SULT6B1: variants seen among roughly 807,000 people sequenced by gnomAD.
SULT6B1 encodes sulfotransferase family 6B member 1.
In SULT6B1, 44 loss-of-function variants were observed where a neutral mutation model predicts 37.2. The observed-to-expected ratio is 1.18, with a 90% CI of 0.93 to 1.52. The LOEUF (loss-of-function observed/expected upper bound fraction) is 1.52, where lower values mean the gene tolerates loss of function less well. Among genes scored for constraint, SULT6B1 ranks in the 40% most tolerant of loss-of-function variants. The pLI, the probability that SULT6B1 is intolerant of heterozygous loss-of-function variation, is 0.00. For synonymous variants in SULT6B1, 140 were observed against 126.0 expected (o/e 1.11, Z -0.74); for missense variants, 450 against 361.0 (o/e 1.25, Z -2.00).
chr2:37,183,134 G>A (rs1407124730), intron 3 of SULT6B1, among the ~76,000 whole-genome samples: 1 of 152,154 alleles, frequency 6.6e-6, no homozygotes, highest in African/African-American at 2.4e-5. Context: ...TTTTGTGTGT[G>A]CATGAAACAC....
At chr2:37,182,909 T>C in intron 3 of SULT6B1, among the ~76,000 whole-genome samples, 1 of 152,228 alleles carries the variant, frequency 6.6e-6, no homozygotes, top group Non-Finnish European at 1.5e-5. Flanking sequence ...CAGCGAGGCA[T>C]GGTGTCCCAT....
chr2:37,194,214 C>T (rs1347275247), intron 1 of SULT6B1, among the ~76,000 whole-genome samples: 1 of 151,342 alleles, frequency 6.6e-6, no homozygotes, highest in Non-Finnish European at 1.5e-5. Context: ...TTTTCTGTCA[C>T]CTAGGGTGGA....
chr2:37,195,809 A>T (rs1005406463), intron 1 of SULT6B1, among the ~76,000 whole-genome samples: 2 of 143,360 alleles, frequency 1.4e-5, no homozygotes, highest in African/African-American at 5.4e-5. Context: ...ATGCAGTTTC[A>T]GATTCAGTAG....
chr2:37,168,871 T>G (rs953573958), intron 6 of SULT6B1, among the ~76,000 whole-genome samples: 2 of 152,226 alleles, frequency 1.3e-5, no homozygotes, highest in African/African-American at 4.8e-5. Context: ...AAGTTCCATA[T>G]TGCATAGCTG....
chr2:37,178,306 C>T lies in SULT6B1; in HGVS notation c.529+1152G>A, dbSNP rs76657507. On this transcript the variant is annotated intron_variant, in intron 4 of 6. Coordinates refer to ENST00000535679, the MANE Select transcript of SULT6B1 (RefSeq NM_001367551.1). ...AGGCTGGAGTGCAGTTGATCAATCT[C>T]GGCTCACTGCAACTTCCGCCTCCTG... Among the ~76,000 whole-genome samples the T allele has an allele frequency of 8.3e-4, 126 of 152,166 alleles. 2 individuals carry two copies. The East Asian group carries it at 0.023, about 28-fold the overall frequency.
chr2:37,181,569 A>G (rs6722383), intron 3 of SULT6B1, among the ~76,000 whole-genome samples: 45,001 of 151,828 alleles, frequency 0.3, 7,703 homozygotes, highest in East Asian at 0.78. Flanking sequence ...TTGTAGAGAC[A>G]GGGGTCTCAC....
chr2:37,195,714 T>A (rs2148308107), intron 1 of SULT6B1, among the ~76,000 whole-genome samples: 1 of 152,358 alleles, frequency 6.6e-6, no homozygotes, highest in South Asian at 2.1e-4. Flanking sequence ...ACTTTTATAT[T>A]CTTTTTCTCT....
intron 4 of SULT6B1, among the ~76,000 whole-genome samples, chr2:37,179,174 A>C (rs10181764): frequency 5.3e-5 from 8 of 152,000 alleles, no homozygotes; most frequent in Admixed American, 5.2e-4. Flanking sequence ...TAGCCAGGAC[A>C]GTCTTGATCT....
Position 37,194,435 on chromosome 2 carries a change from A to G in SULT6B1, c.-22+2081T>C, listed in dbSNP as rs1676849871. ...AGGTACATAGGTAATCAAAGTACAG[A>G]GCTTATTTGGTGAATCTTCATCCTC... is the stretch of plus-strand genomic sequence containing the variant. On this transcript the variant is annotated intron_variant, in intron 1 of 7. Transcript: ENST00000407963. 6 of 436,266 alleles carry G rather than the reference A, an allele frequency of 1.4e-5. No homozygotes were observed. The Admixed American group carries it at 1.5e-4, about 11-fold the overall frequency. The allele number at this position is 436,266 out of a possible 1,614,324, so 27.0% of individuals were successfully genotyped here. A position where few individuals can be genotyped will look rare whatever the true frequency, so the allele number is the denominator to read the frequency against.
At chr2:37,175,664 A>G (rs1676408842) in intron 4 of SULT6B1, among the ~76,000 whole-genome samples, 1 of 152,212 alleles carries the variant, frequency 6.6e-6, no homozygotes, top group African/African-American at 2.4e-5. Context: ...AAAGAAACAA[A>G]TGAAATTAAT....
chr2:37,189,713 CTT>C (rs1369975344), upstream of SULT6B1, among the ~76,000 whole-genome samples: 1 of 152,174 alleles, frequency 6.6e-6, no homozygotes, highest in Non-Finnish European at 1.5e-5. Flanking sequence ...GGGGAAGGTG[CTT>C]CTCCCTGGAA....
intron 1 of SULT6B1, 100 bp from the exon 2 acceptor site, chr2:37,187,567 C>A: frequency 1.6e-6 from 1 of 634,324 alleles, no homozygotes; most frequent in Non-Finnish European, 2.6e-6. Context: ...AATCTACAAC[C>A]ATTCCCTGAT....
chr2:37,191,761 C>T (rs1223994086), upstream of SULT6B1, among the ~76,000 whole-genome samples: 3 of 152,214 alleles, frequency 2.0e-5, no homozygotes, highest in Admixed American at 6.5e-5. Flanking sequence ...CTGTATCCCC[C>T]ACCCTTCACT....
chr2:37,179,418 T>A (rs771304745), intron 4 of SULT6B1, 40 bp downstream of exon 4: 2 of 1,609,454 alleles, frequency 1.2e-6, no homozygotes, highest in South Asian at 2.2e-5. Flanking sequence ...TATGTGGTCA[T>A]CTGATCAAGT....
chr2:37,170,039 G>A (rs567404554), intron 6 of SULT6B1, among the ~76,000 whole-genome samples: 3 of 152,164 alleles, frequency 2.0e-5, no homozygotes, highest in Non-Finnish European at 4.4e-5. Flanking sequence ...GAGAGAGCTA[G>A]TTGCCTTTCC....
At chr2:37,182,448 G>C (rs1433507842) in intron 3 of SULT6B1, among the ~76,000 whole-genome samples, 1 of 151,838 alleles carries the variant, frequency 6.6e-6, no homozygotes, top group South Asian at 2.1e-4. Context: ...AAAAATTGGG[G>C]GTTTTGCCAT....
chr2:37,177,212 C>T (rs1314302997), intron 4 of SULT6B1, among the ~76,000 whole-genome samples: 1 of 151,480 alleles, frequency 6.6e-6, no homozygotes, highest in Non-Finnish European at 1.5e-5. Flanking sequence ...AAGCTAGACA[C>T]AAAAAGAAAA....
intron 5 of SULT6B1, among the ~76,000 whole-genome samples, chr2:37,172,845 T>TG (rs56678893): frequency 1.5e-5 from 2 of 135,060 alleles, no homozygotes; most frequent in Non-Finnish European, 3.2e-5. Flanking sequence ...TTTGTTTGTT[T>TG]TTGGTTTTTC....
At chr2:37,188,187 AC>A (rs1254503370) in intron 1 of SULT6B1, among the ~76,000 whole-genome samples, 1 of 151,852 alleles carries the variant, frequency 6.6e-6, no homozygotes, top group East Asian at 1.9e-4. Context: ...CCCGTCATCC[AC>A]CCCCTTCTGC....
Sources: allele counts gnomAD v4.1 joint callset (sites outside exome capture counted in the v4.1 genomes callset), GRCh38; gene constraint gnomAD v4.1.1; transcripts MANE v1.5; gene names NCBI Gene and HGNC (gene_info 2026-07-23, HGNC 2026-07-21).